Variants in DNMT1 observed in about 807,000 individuals in gnomAD.
The protein encoded by DNMT1 is DNA methyltransferase 1, also known as DNA (cytosine-5)-methyltransferase 1.
In DNMT1, 24 loss-of-function variants were observed where a neutral mutation model predicts 205.3. The observed-to-expected ratio is 0.12, with a 90% confidence interval of 0.08 to 0.16. The LOEUF (loss-of-function observed/expected upper bound fraction) is 0.16, where lower values mean the gene tolerates loss of function less well. Among genes scored for constraint, DNMT1 ranks in the 10% least tolerant of loss-of-function variants. DNMT1 has a pLI of 1.00. For missense variants in DNMT1, 1,293 were observed against 2,177.7 expected, an observed-to-expected ratio of 0.59 and a Z score of 8.09; for synonymous variants, 817 against 839.8, an observed-to-expected ratio of 0.97 and a Z score of 0.47.
At chr19:10,153,151 GCTACTT>G (rs1401428217) in intron 22 of DNMT1, among the ~76,000 whole-genome samples, 1 of 152,130 alleles carries the variant, frequency 6.6e-6, no homozygotes, top group East Asian at 1.9e-4. Context: ...ACCCAGCAAC[GCTACTT>G]CTAAGCAGAT....
chr19:10,134,389 C>A, intron 39 of DNMT1, 82 bp from the exon 40 acceptor site: 1 of 1,333,828 alleles, frequency 7.5e-7, no homozygotes, highest in East Asian at 2.4e-5. Flanking sequence ...AGCCCCTGCT[C>A]AGATGGAGGA....
rs2089593516 is a variant in DNMT1, at chr19:10,141,184, A to G, written c.3315T>C (p.Tyr1105=). ...GPNRFYFLEA[Y]NAKSKSFEDP... ...CTTCAAAGCTTTTGCTCTTTGCATT[A>G]TAGGCCTGAAAAGGAGAGAACTGCA... Residue 1105 remains tyrosine (Y), a synonymous_variant, in exon 31 of 41, where the codon TAT becomes TAC. Transcript: ENST00000359526. The G allele has an allele frequency of 6.2e-7, 1 of 1,613,958 alleles. No individual in the cohort carries two copies. Among genetic ancestry groups the G allele is most frequent in the African/African-American group, 1.3e-5 (1 of 75,046 alleles).
At chr19:10,155,722 TA>T (rs1335306819) in intron 19 of DNMT1, 130 bp downstream of exon 19, 1 of 938,122 alleles carries the variant, frequency 1.1e-6, no homozygotes, top group Non-Finnish European at 1.7e-6. Flanking sequence ...CTGAACCTGC[TA>T]AGGTTCCCAG....
chr19:10,152,114 C>G (rs1028711254), intron 22 of DNMT1, among the ~76,000 whole-genome samples: 1 of 113,992 alleles, frequency 8.8e-6, no homozygotes, highest in Non-Finnish European at 1.6e-5. Flanking sequence ...TAGCCAAGAT[C>G]ACACCACCAT....
At chr19:10,170,237 A>C (rs1224371090) in intron 9 of DNMT1, among the ~76,000 whole-genome samples, 2 of 152,062 alleles carry the variant, frequency 1.3e-5, no homozygotes, top group East Asian at 1.9e-4. Context: ...GTGAGCTAAA[A>C]TTGCGCCACT....
chr19:10,160,189 C>T, intron 14 of DNMT1, 126 bp from the exon 15 acceptor site: 1 of 1,563,120 alleles, frequency 6.4e-7, no homozygotes, highest in South Asian at 1.1e-5. Context: ...GGCAGTGAGG[C>T]CCAGGCGCGT....
rs75343655 is a variant in DNMT1, at chr19:10,144,085, A to C, written c.2895-98T>G. The stretch of plus-strand genomic sequence containing the variant: ...TGAAAATAACCATTTAAAGTCAAGC[A>C]CCTGATGAATTAAGGTAGGTGTGTA... On this transcript the variant is annotated intron_variant, in intron 28 of 40. Coordinates refer to ENST00000359526, the MANE Select transcript of DNMT1 (RefSeq NM_001130823.3). 6,051 of 1,229,306 alleles carry C rather than the reference A, an allele frequency of 4.9e-3. 127 individuals carry two copies. The highest frequency in any genetic ancestry group is 0.035 in the East Asian group (1,502 of 42,866). The allele number at this position is 1,229,306 out of a possible 1,614,324, so 76.1% of individuals were successfully genotyped here.
chr19:10,190,986 G>A (rs550823250), intron 1 of DNMT1, among the ~76,000 whole-genome samples: 9 of 151,736 alleles, frequency 5.9e-5, no homozygotes, highest in South Asian at 2.1e-4. Flanking sequence ...GGTGGCGGGC[G>A]CCTGTAATCC....
intron 17 of DNMT1, among the ~76,000 whole-genome samples, chr19:10,158,482 G>A (rs2038501631): frequency 6.6e-6 from 1 of 152,186 alleles, no homozygotes; most frequent in South Asian, 2.1e-4. Flanking sequence ...TCTTCACAGA[G>A]AGGGAAAATA....
intron 1 of DNMT1, among the ~76,000 whole-genome samples, chr19:10,194,245 C>G (rs1290531646): frequency 6.6e-6 from 1 of 152,232 alleles, no homozygotes; most frequent in Non-Finnish European, 1.5e-5. Flanking sequence ...ATGAGTACCC[C>G]ACGGAAGGCT....
intron 11 of DNMT1, among the ~76,000 whole-genome samples, chr19:10,164,278 G>C (rs1236065479): frequency 6.6e-6 from 1 of 152,006 alleles, no homozygotes; most frequent in Non-Finnish European, 1.5e-5. Flanking sequence ...CTAGTAGCTG[G>C]GATTACAGGC....
At position 10,154,433 on chromosome 19, in the gene DNMT1, T is replaced by C. The variant is rs2038412277; in HGVS notation, c.1879A>G (p.Lys627Glu). The C allele has an allele frequency of 6.2e-7, 1 of 1,614,180 alleles. No homozygotes were observed. Among genetic ancestry groups the C allele is most frequent in the African/African-American group, 1.3e-5 (1 of 75,044 alleles). The change falls in exon 22 of 41, where the codon AAG becomes GAG. Residue 627 changes from lysine to glutamate, a missense_variant. By Grantham distance (56) the Lys-to-Glu change is moderately conservative. This residue lies in a region of DNMT1 where 197 missense variants were observed against 353.6 expected (regional missense o/e 0.56). Transcript: ENST00000359526. This position sits in a 1 kb window ranked among gnomAD's most constrained non-coding sequence, Gnocchi z 6.3. ...GTGGCTTTCGTGGGTCCCCTGTCCT[T>C]CTCCCTGGTAGAATGCCTGATGGTC... ...RQTIRHSTRE[K>E]DRGPTKATTT...
At position 10,140,024 on chromosome 19, in the gene DNMT1, T is replaced by TG. The variant is rs755024969; in HGVS notation, c.3806+21dup. 11 of 1,604,996 alleles carry TG rather than the reference T, an allele frequency of 6.9e-6. No individual in the cohort carries two copies. In the South Asian group the frequency reaches 8.8e-5, roughly 13 times the overall value. On this transcript the variant is annotated intron_variant, in intron 33 of 40. Transcript: ENST00000359526. The surrounding 1 kb of genome is among the most constrained non-coding windows in gnomAD (Gnocchi z 8.4). ...ACAGCCCCGGGCCGTCTGGCAACACTGGGGGGCTTCTACCCGTTTACCTGA... is the reference window on the plus strand; with the variant it reads ...ACAGCCCCGGGCCGTCTGGCAACACTGGGGGGGCTTCTACCCGTTTACCTGA...
rs1392223314 is a variant in DNMT1, at chr19:10,146,842, G to A, written c.2721-318C>T. Among the ~76,000 whole-genome samples, 1 of 152,192 alleles carries A rather than the reference G, an allele frequency of 6.6e-6. No individual in the cohort carries two copies. The highest frequency in any genetic ancestry group is 2.4e-5 in the African/African-American group (1 of 41,448). On this transcript the variant is annotated intron_variant, in intron 27 of 40. Transcript: ENST00000359526. The surrounding 1 kb of genome is among the most constrained non-coding windows in gnomAD (Gnocchi z 4.4). The stretch of plus-strand genomic sequence containing the variant: ...GAGCAACAGTCCCGAGTGGCTCAGT[G>A]AGGAACTCAATCCAGCAGAGACTCC...
rs1033191294 is a variant in DNMT1, at chr19:10,133,823, C to A, written c.4865-122G>T. 11 of 1,077,638 alleles carry A rather than the reference C, an allele frequency of 1.0e-5. No homozygotes were observed. Among genetic ancestry groups the A allele is most frequent in the Admixed American group, 9.9e-5 (5 of 50,368 alleles). The allele number at this position is 1,077,638 out of a possible 1,614,324, so 66.8% of individuals were successfully genotyped here. On this transcript the variant is annotated intron_variant, in intron 40 of 40. Transcript: ENST00000359526. This position sits in a 1 kb window ranked among gnomAD's most constrained non-coding sequence, Gnocchi z 4.1. ...AACGTACTGATGTTAACAGCTGACC[C>A]AATAAGTGGCAGAGTGCTAAGGGAA...
At chr19:10,175,315 GA>G (rs1288163781) in intron 7 of DNMT1, among the ~76,000 whole-genome samples, 2 of 151,298 alleles carry the variant, frequency 1.3e-5, no homozygotes, top group Non-Finnish European at 2.9e-5. Context: ...ATAAAAACAA[GA>G]AAAAAATCAA....
chr19:10,188,828 G>A (rs2039245103), intron 1 of DNMT1, among the ~76,000 whole-genome samples: 1 of 152,152 alleles, frequency 6.6e-6, no homozygotes, highest in Non-Finnish European at 1.5e-5. Flanking sequence ...TGAGCCGAGG[G>A]ATGAGACCGC....
intron 22 of DNMT1, among the ~76,000 whole-genome samples, chr19:10,153,743 T>C (rs1420707706): frequency 6.6e-6 from 1 of 151,846 alleles, no homozygotes; most frequent in Non-Finnish European, 1.5e-5. Flanking sequence ...GGTGAGGACA[T>C]GCAGGCTCCT....
intron 24 of DNMT1, 142 bp from the exon 25 acceptor site, chr19:10,150,110 T>A: frequency 1.3e-6 from 1 of 765,738 alleles, no homozygotes; most frequent in Non-Finnish European, 2.3e-6. Flanking sequence ...AAAGAGAACA[T>A]CCTGTTCTAC....
Sources: gnomAD v4.1 joint callset for allele counts (sites outside exome capture counted in the v4.1 genomes callset) on GRCh38, gnomAD v4.1.1 for gene constraint, gnomAD v4.1.1 regional missense constraint, Gnocchi (gnomAD v3.1) non-coding constraint, MANE v1.5 for transcripts, NCBI Gene and HGNC (gene_info 2026-07-23, HGNC 2026-07-21) for gene names.